AP3S1: variants seen among roughly 807,000 people sequenced by gnomAD.
The protein encoded by AP3S1 is AP-3 complex subunit sigma-1.
A neutral mutation model predicts 21.3 loss-of-function variants in AP3S1; 12 were observed. That is an observed-to-expected ratio of 0.56 (90% CI 0.36 to 0.91). AP3S1 has a LOEUF of 0.91. Ranked by LOEUF, AP3S1 falls within the 40% of genes least tolerant of loss-of-function variation. The pLI, the probability that AP3S1 is intolerant of heterozygous loss-of-function variation, is 0.01. For missense variants in AP3S1, 116 were observed against 225.0 expected (o/e 0.52, Z 3.10); for synonymous variants, 48 against 78.4 (o/e 0.61, Z 2.05).
intron 1 of AP3S1, among the ~76,000 whole-genome samples, chr5:115,852,590 G>A (rs1283518636): frequency 1.3e-5 from 2 of 151,996 alleles, no homozygotes; most frequent in Non-Finnish European, 2.9e-5. Context: ...CAAACTAAAT[G>A]AAATTTAGTA....
chr5:115,850,988 CATT>C (rs535828902), intron 1 of AP3S1, among the ~76,000 whole-genome samples: 42 of 152,252 alleles, frequency 2.8e-4, no homozygotes, highest in Admixed American at 2.1e-3. Flanking sequence ...GATTGACTAA[CATT>C]GTTGAGATGC....
chr5:115,896,956 A>G (rs1338886305), intron 4 of AP3S1, among the ~76,000 whole-genome samples: 5 of 152,096 alleles, frequency 3.3e-5, no homozygotes, highest in South Asian at 2.1e-4. Context: ...TATTTTTTTT[A>G]CTAGAGAAAG....
chr5:115,842,207 G>GC (rs1761632409), intron 1 of AP3S1, 101 bp downstream of exon 1: 1 of 1,436,216 alleles, frequency 7.0e-7, no homozygotes, highest in African/African-American at 1.5e-5. Flanking sequence ...GCGCGCTGCG[G>GC]CCCTTGTCCC....
intron 1 of AP3S1, among the ~76,000 whole-genome samples, chr5:115,861,427 A>G (rs1483313612): frequency 6.6e-6 from 1 of 152,184 alleles, no homozygotes; most frequent in Admixed American, 6.5e-5. Flanking sequence ...AGGTCAGATA[A>G]AAACTAGAGA....
intron 1 of AP3S1, chr5:115,842,692 C>T (rs1421448749): frequency 6.6e-6 from 1 of 152,306 alleles, no homozygotes; most frequent in African/African-American, 2.4e-5. Flanking sequence ...TACAGTCTCT[C>T]TTCTGCATGT....
chr5:115,884,818 A>AT (rs1474195355), intron 3 of AP3S1, among the ~76,000 whole-genome samples: 10 of 151,190 alleles, frequency 6.6e-5, no homozygotes, highest in South Asian at 4.2e-4. Flanking sequence ...TAAGGCAACC[A>AT]TTTTTTTTTC....
At chr5:115,887,392 T>A (rs1254221768) in intron 3 of AP3S1, among the ~76,000 whole-genome samples, 1 of 151,948 alleles carries the variant, frequency 6.6e-6, no homozygotes, top group African/African-American at 2.4e-5. Flanking sequence ...TTATTGTAGA[T>A]TCAAAACAGC....
intron 1 of AP3S1, 33 bp downstream of exon 1, chr5:115,842,139 G>A (rs766607848): frequency 5.2e-6 from 8 of 1,530,626 alleles, no homozygotes; most frequent in Admixed American, 4.1e-5. Flanking sequence ...TCCGGGCGAG[G>A]GGGAGTCGTT....
At chr5:115,866,376 T>G (rs1471481859) in intron 1 of AP3S1, among the ~76,000 whole-genome samples, 1 of 152,230 alleles carries the variant, frequency 6.6e-6, no homozygotes, top group Non-Finnish European at 1.5e-5. Flanking sequence ...AATATCTAGT[T>G]TCCCTTTTAC....
rs144313901 is a variant in AP3S1, at chr5:115,893,206, G to A, written c.274-1881G>A. On this transcript the variant is annotated intron_variant, in intron 3 of 5. Transcript: ENST00000316788. ...CCCATACCAAGTGCCACTAGCGATG[G>A]TGGAAGTGCCCCCAAGAAGCAGAGA... 5.3e-5 allele frequency among the ~76,000 whole-genome samples: 8 copies of A among 152,232 alleles called. No homozygotes were observed. The East Asian group carries it at 1.5e-3, about 29-fold the overall frequency.
Position 115,874,636 on chromosome 5 carries a change from G to C in AP3S1, c.273+4508G>C, listed in dbSNP as rs1311474920. 4.6e-5 allele frequency among the ~76,000 whole-genome samples: 7 copies of C among 152,050 alleles called. No individual in the cohort carries two copies. In the East Asian group the frequency reaches 1.3e-3, roughly 29 times the overall value. On this transcript the variant is annotated intron_variant, in intron 3 of 5. Coordinates refer to ENST00000316788, the MANE Select transcript of AP3S1 (RefSeq NM_001284.4). Reference sequence around the variant, plus strand: ...TGTTGTTAGAATGTATATTTAAACTGGAGCTCCATATATAATATTTGTTAT... The same window carrying C: ...TGTTGTTAGAATGTATATTTAAACTCGAGCTCCATATATAATATTTGTTAT...
chr5:115,851,370 A>G (rs1762428495), intron 1 of AP3S1, among the ~76,000 whole-genome samples: 1 of 152,110 alleles, frequency 6.6e-6, no homozygotes, highest in South Asian at 2.1e-4. Flanking sequence ...TTATATGGTA[A>G]TTTTATGTTT....
chr5:115,883,182 T>C (rs1217223538), intron 3 of AP3S1, among the ~76,000 whole-genome samples: 1 of 152,216 alleles, frequency 6.6e-6, no homozygotes, highest in Non-Finnish European at 1.5e-5. Flanking sequence ...CCTGGCTCCC[T>C]GGCTTCAGCC....
chr5:115,892,285 T>A (rs1270148398), intron 3 of AP3S1, among the ~76,000 whole-genome samples: 1 of 152,142 alleles, frequency 6.6e-6, no homozygotes, highest in Non-Finnish European at 1.5e-5. Context: ...AGAGCTACCA[T>A]AGGATCCAGC....
chr5:115,899,469 G>A lies in AP3S1; in HGVS notation c.346-3416G>A, dbSNP rs115419612. 3.1e-3 allele frequency among the ~76,000 whole-genome samples: 470 copies of A among 152,220 alleles called. 1 individual carries two copies. Among genetic ancestry groups the A allele is most frequent in the African/African-American group, 0.01 (435 of 41,554 alleles). ...ATAATTTTAAAATTTATTTATTTTG[G>A]TATGGCTGGGGTCTTGCTGTGTTGC... On this transcript the variant is annotated intron_variant, in intron 4 of 5. Coordinates refer to ENST00000316788, the MANE Select transcript of AP3S1 (RefSeq NM_001284.4).
At chr5:115,897,040 A>C (rs1175795447) in intron 4 of AP3S1, among the ~76,000 whole-genome samples, 1 of 152,166 alleles carries the variant, frequency 6.6e-6, no homozygotes, top group African/African-American at 2.4e-5. Context: ...TGTTTTTAAA[A>C]CTTCTATTTC....
Position 115,913,393 on chromosome 5 carries a change from T to C in AP3S1, c.485T>C (p.Val162Ala), listed in dbSNP as rs1439356260. ...TTAGCAGGAGCTCCAGCCCGTGCTG[T>C]ATCAGCTGTAAAGAATATGAATCTT... Reference protein sequence around the residue: ...AGLAGAPARAVSAVKNMNLPE... With the variant: ...AGLAGAPARAASAVKNMNLPE... The change falls in exon 6 of 6, where the codon GTA becomes GCA. Residue 162 changes from valine (V) to alanine (A), a missense_variant. Coordinates refer to ENST00000316788, the MANE Select transcript of AP3S1 (RefSeq NM_001284.4). 6.2e-7 allele frequency: 1 copy of C among 1,613,876 alleles called. No homozygotes were observed. The highest frequency in any genetic ancestry group is 1.7e-5 in the Admixed American group (1 of 60,010).
At position 115,861,954 on chromosome 5, in the gene AP3S1, C is replaced by T. The variant is rs928154990; in HGVS notation, c.70-4716C>T. 6.0e-5 allele frequency among the ~76,000 whole-genome samples: 9 copies of T among 149,180 alleles called. 1 individual carries two copies. The highest frequency in any genetic ancestry group is 4.8e-4 in the Admixed American group (7 of 14,680). ...GGGCTCAAGTGATGATCCCCTTCAG[C>T]CTCCCAAAGTGCTGAGATTATAGGT... On this transcript the variant is annotated intron_variant, in intron 1 of 5. Coordinates refer to ENST00000316788, the MANE Select transcript of AP3S1 (RefSeq NM_001284.4).
chr5:115,912,698 C>G (rs746757764), intron 5 of AP3S1, among the ~76,000 whole-genome samples: 1 of 151,908 alleles, frequency 6.6e-6, no homozygotes, highest in Non-Finnish European at 1.5e-5. Flanking sequence ...TATATTTTTA[C>G]TAATGCATCA....
Sources: gnomAD v4.1 joint callset for allele counts (sites outside exome capture counted in the v4.1 genomes callset) on GRCh38, gnomAD v4.1.1 for gene constraint, MANE v1.5 for transcripts, NCBI Gene and HGNC (gene_info 2026-07-23, HGNC 2026-07-21) for gene names.